The following USP24 variants were observed in gnomAD, a reference collection of about 807,000 sequenced individuals.
USP24 encodes ubiquitin specific peptidase 24, also known as ubiquitin carboxyl-terminal hydrolase 24.
A neutral mutation model predicts 361.6 loss-of-function variants in USP24; 97 were observed. That is an observed-to-expected ratio of 0.27 (90% confidence interval 0.23 to 0.32). The LOEUF (loss-of-function observed/expected upper bound fraction) is 0.32. USP24 is among the 10% of genes least tolerant of loss of function. USP24 has a pLI of 1.00. For synonymous variants in USP24, 1,098 were observed against 1,124.6 expected, an observed-to-expected ratio of 0.98 and a Z score of 0.47; for missense variants, 2,353 against 3,165.6, an observed-to-expected ratio of 0.74 and a Z score of 6.16.
Position 55,159,653 on chromosome 1 carries a change from G to A in USP24, c.1026C>T (p.Ile342=), listed in dbSNP as rs1358197837. 3 of 1,562,314 alleles carry A rather than the reference G, an allele frequency of 1.9e-6. No individual in the cohort carries two copies. The highest frequency in any genetic ancestry group is 2.6e-6 in the Non-Finnish European group (3 of 1,151,310). ...TCTCTTCTACACTCCGTACATCCTGGATTGTAGTAAGAATGACTGGGTCTA... is the reference window on the plus strand; with the variant it reads ...TCTCTTCTACACTCCGTACATCCTGAATTGTAGTAAGAATGACTGGGTCTA... ...PMLDPVILTT[I]QDVRSVEEKD... Residue 342 remains isoleucine (I), a synonymous_variant, in exon 9 of 68, where the codon ATC becomes ATT. Coordinates refer to ENST00000294383, the MANE Select transcript of USP24 (RefSeq NM_015306.3).
intron 42 of USP24, among the ~76,000 whole-genome samples, chr1:55,102,178 T>C (rs1401122887): frequency 6.6e-6 from 1 of 152,124 alleles, no homozygotes; most frequent in Non-Finnish European, 1.5e-5. Context: ...TACGAAGTGA[T>C]TACCATGAAG....
At chr1:55,106,721 A>G (rs1456189741) in intron 40 of USP24, among the ~76,000 whole-genome samples, 12 of 152,204 alleles carry the variant, frequency 7.9e-5, no homozygotes, top group African/African-American at 2.9e-4. Context: ...GTAGCCAAGA[A>G]TATTTTGTAA....
intron 56 of USP24, among the ~76,000 whole-genome samples, 197 bp downstream of exon 56, chr1:55,085,745 C>CTACCCTGGTGTTTGGG (rs1645236896): frequency 6.6e-6 from 1 of 152,280 alleles, no homozygotes; most frequent in South Asian, 2.1e-4. Context: ...AATTCCTGGC[C>CTACCCTGGTGTTTGGG]TACCCTGGTG....
At chr1:55,200,061 C>T (rs1644530427) in intron 1 of USP24, among the ~76,000 whole-genome samples, 1 of 152,196 alleles carries the variant, frequency 6.6e-6, no homozygotes, top group Non-Finnish European at 1.5e-5. Flanking sequence ...TAACTGCCCC[C>T]ATGATTCAAT....
At chr1:55,192,379 C>T (rs750625137) in intron 1 of USP24, among the ~76,000 whole-genome samples, 3 of 152,060 alleles carry the variant, frequency 2.0e-5, no homozygotes, top group Non-Finnish European at 4.4e-5. Context: ...TAAGAGACTA[C>T]CAGTGTTGCT....
intron 32 of USP24, 117 bp downstream of exon 32, chr1:55,129,360 T>C: frequency 1.5e-6 from 1 of 661,922 alleles, no homozygotes; most frequent in East Asian, 2.9e-5. Flanking sequence ...TTATAATAAC[T>C]CTCACAATGA....
Position 55,164,557 on chromosome 1 carries a change from C to T in USP24, c.927+1328G>A, listed in dbSNP as rs1570587069. Among the ~76,000 whole-genome samples the T allele has an allele frequency of 2.6e-5, 4 of 152,206 alleles. 1 individual carries two copies. The highest frequency in any genetic ancestry group is 9.6e-5 in the African/African-American group (4 of 41,572). ...TACCTGTCTCCTACAAAAGTCCACA[C>T]CTTTGGAATCTCTCCAATGCCTGAG... is the stretch of plus-strand genomic sequence containing the variant. On this transcript the variant is annotated intron_variant, in intron 7 of 67. Coordinates refer to ENST00000294383, the MANE Select transcript of USP24 (RefSeq NM_015306.3).
intron 16 of USP24, among the ~76,000 whole-genome samples, chr1:55,149,055 T>C (rs1055570666): frequency 1.1e-4 from 16 of 152,190 alleles, no homozygotes; most frequent in Admixed American, 1.0e-3. Context: ...TTAAAGAAAA[T>C]ATTCATAATC....
At chr1:55,161,321 G>A (rs1010863350) in intron 8 of USP24, among the ~76,000 whole-genome samples, 1 of 149,384 alleles carries the variant, frequency 6.7e-6, no homozygotes, top group Non-Finnish European at 1.5e-5. Flanking sequence ...GCAGTGAGCC[G>A]AGATCACACC....
rs751396277 is a variant in USP24, at chr1:55,143,130, G to GA, written c.2440-12dup. On this transcript the variant is annotated splice_polypyrimidine_tract_variant and intron_variant, in intron 21 of 67. Transcript: ENST00000294383. ...CAGCTTTTCTACATACTGTTCAAAA[G>GA]AAAAAAAATTAAATTATAAAGCATA... is the stretch of plus-strand genomic sequence containing the variant. The GA allele has an allele frequency of 2.5e-5, 36 of 1,459,956 alleles. No homozygotes were observed. Among genetic ancestry groups the GA allele is most frequent in the Admixed American group, 9.5e-5 (3 of 31,668 alleles). 90.4% of individuals were successfully genotyped at this position (1,459,956 alleles called of 1,614,324 possible). A position where few individuals can be genotyped will look rare whatever the true frequency, so the allele number is the denominator to read the frequency against.
chr1:55,215,233 G>T lies in USP24; in HGVS notation c.-120C>A. On this transcript the variant is annotated 5_prime_UTR_variant, in exon 1 of 68. Transcript: ENST00000294383. ...CGCCCAGGTTGGCCCCTGCGTTCCT[G>T]CCCCGGGTGCTCCGCAGCAGCCGGG... 2 of 807,982 alleles carry T rather than the reference G, an allele frequency of 2.5e-6. No individual in the cohort carries two copies. Among genetic ancestry groups the T allele is most frequent in the Non-Finnish European group, 3.2e-6 (2 of 616,284 alleles). 50.1% of individuals were successfully genotyped at this position (807,982 alleles called of 1,614,324 possible). A position where few individuals can be genotyped will look rare whatever the true frequency, so the allele number is the denominator to read the frequency against.
intron 16 of USP24, among the ~76,000 whole-genome samples, chr1:55,153,190 C>T (rs747574729): frequency 3.3e-5 from 5 of 152,088 alleles, no homozygotes; most frequent in Non-Finnish European, 5.9e-5. Flanking sequence ...CTGTGATCAG[C>T]CCTCTCAGAG....
chr1:55,195,814 G>A (rs935144800), intron 1 of USP24, among the ~76,000 whole-genome samples: 3 of 152,178 alleles, frequency 2.0e-5, no homozygotes, highest in African/African-American at 7.2e-5. Flanking sequence ...AAAGGTTGTT[G>A]TTTAACAGGT....
intron 42 of USP24, 59 bp downstream of exon 42, chr1:55,103,817 T>C: frequency 6.5e-7 from 1 of 1,541,534 alleles, no homozygotes; most frequent in East Asian, 2.3e-5. Flanking sequence ...AGTCTTAAAA[T>C]TATATGTTTC....
chr1:55,166,626 T>C (rs1336502530), intron 5 of USP24, 23 bp from the exon 6 acceptor site: 2 of 1,577,698 alleles, frequency 1.3e-6, no homozygotes, highest in Non-Finnish European at 1.7e-6. Flanking sequence ...AAAAACAAAA[T>C]TGAGATGGCA....
At chr1:55,212,508 G>C (rs577304622) in intron 1 of USP24, among the ~76,000 whole-genome samples, 1 of 152,262 alleles carries the variant, frequency 6.6e-6, no homozygotes, top group African/African-American at 2.4e-5. Context: ...ACCTAAGACA[G>C]GGCCTGACAC....
Position 55,178,026 on chromosome 1 carries a change from T to C in USP24, c.431A>G (p.Tyr144Cys). The change falls in exon 2 of 68, where the codon TAC (tyrosine) becomes TGC (cysteine). Residue 144 changes from tyrosine to cysteine, a missense_variant. Transcript: ENST00000294383. ...RVLTDHWSIP[Y>C]KREESLGKCL... The stretch of plus-strand genomic sequence containing the variant: ...TTTGCCTAGTGATTCTTCTCGCTTG[T>C]AAGGGATGGACCAATGATCAGTCAA... 6.4e-7 allele frequency: 1 copy of C among 1,551,672 alleles called. No individual in the cohort carries two copies. The highest frequency in any genetic ancestry group is 8.7e-7 in the Non-Finnish European group (1 of 1,146,950).
chr1:55,207,595 A>T (rs1282080811), intron 1 of USP24, among the ~76,000 whole-genome samples: 1 of 152,228 alleles, frequency 6.6e-6, no homozygotes, highest in South Asian at 2.1e-4. Flanking sequence ...AACTGCATAC[A>T]CAGCATTTCC....
Position 55,132,625 on chromosome 1 carries a change from T to G in USP24, c.3457A>C (p.Ser1153Arg), listed in dbSNP as rs1646624461. The G allele has an allele frequency of 6.2e-7, 1 of 1,613,800 alleles. No homozygotes were observed. Residue 1153 changes from serine (S) to arginine (R), a missense_variant, in exon 31 of 68, where the codon AGT (serine) becomes CGT (arginine). Ser to Arg is a moderately radical substitution (Grantham distance 110, BLOSUM62 -1). Coordinates refer to ENST00000294383, the MANE Select transcript of USP24 (RefSeq NM_015306.3). ...SLSSKQQHQP[S>R]ASSILESLFR... ...AGACTTTCTAAAATTGAACTGGCACTTGGCTGGTGCTGTTGCTTTGATGAC... is the reference window on the plus strand; with the variant it reads ...AGACTTTCTAAAATTGAACTGGCACGTGGCTGGTGCTGTTGCTTTGATGAC...
Sources: gnomAD v4.1 joint callset for allele counts (sites outside exome capture counted in the v4.1 genomes callset) on GRCh38, gnomAD v4.1.1 for gene constraint, MANE v1.5 for transcripts, NCBI Gene and HGNC (gene_info 2026-07-23, HGNC 2026-07-21) for gene names.